ARHGEF3: variants seen among roughly 807,000 people sequenced by gnomAD.
ARHGEF3 encodes Rho guanine nucleotide exchange factor 3, also known as 59.8 kDA protein.
In ARHGEF3, 28 loss-of-function variants were observed where a neutral mutation model predicts 63.2. The ratio of observed to expected loss-of-function variants is 0.44; its 90% confidence interval spans 0.33 to 0.61. ARHGEF3 has a LOEUF of 0.61. Ranked by LOEUF, ARHGEF3 falls within the 20% of genes least tolerant of loss-of-function variation. ARHGEF3 has a pLI of 0.03. For missense variants in ARHGEF3, 533 were observed against 659.3 expected, an observed-to-expected ratio of 0.81 and a Z score of 2.10; for synonymous variants, 266 against 254.2, an observed-to-expected ratio of 1.05 and a Z score of -0.44.
chr3:56,916,086 G>A (rs558307524), intron 3 of ARHGEF3, among the ~76,000 whole-genome samples: 2 of 152,124 alleles, frequency 1.3e-5, no homozygotes, highest in Non-Finnish European at 2.9e-5. Flanking sequence ...AGCCATCTGC[G>A]GTCTTAAACA....
Position 56,981,836 on chromosome 3 carries a change from G to A in ARHGEF3, c.63-22947C>T, listed in dbSNP as rs537408891. On this transcript the variant is annotated intron_variant, in intron 2 of 12. Coordinates refer to the ARHGEF3 transcript ENST00000338458. Reference sequence around the variant, plus strand: ...AGTGTTGTCAGAGTGGACATCTGCTGTTCCTCACTGCCCAGCATTTAGTCC... The same window carrying A: ...AGTGTTGTCAGAGTGGACATCTGCTATTCCTCACTGCCCAGCATTTAGTCC... Among the ~76,000 whole-genome samples, 17 of 152,266 alleles carry A rather than the reference G, an allele frequency of 1.1e-4. No homozygotes were observed. In the South Asian group the frequency reaches 2.5e-3, roughly 22 times the overall value.
At chr3:57,052,875 A>G (rs1384868442) in intron 1 of ARHGEF3, among the ~76,000 whole-genome samples, 1 of 152,076 alleles carries the variant, frequency 6.6e-6, no homozygotes, top group Non-Finnish European at 1.5e-5. Flanking sequence ...CCAGGGCACC[A>G]TGGCCCATCC....
chr3:56,774,134 C>T (rs528419036), intron 1 of ARHGEF3, among the ~76,000 whole-genome samples: 1 of 152,222 alleles, frequency 6.6e-6, no homozygotes, highest in East Asian at 1.9e-4. Flanking sequence ...AACCAGTCTC[C>T]CCACCCCTTC....
intron 4 of ARHGEF3, among the ~76,000 whole-genome samples, chr3:56,837,419 G>A (rs1050296615): frequency 4.6e-5 from 7 of 152,160 alleles, no homozygotes; most frequent in African/African-American, 7.2e-5. Context: ...CTGCTCAATG[G>A]AATTAGTCTT....
At position 56,789,616 on chromosome 3, in the gene ARHGEF3, A is replaced by G. The variant is rs182898599; in HGVS notation, c.96+12087T>C. Reference sequence around the variant, plus strand: ...ACTTATTGTAGAATTCTAATCCTAGAAAGCCCCTCAGAACATGCCTTGTTC... The same window carrying G: ...ACTTATTGTAGAATTCTAATCCTAGGAAGCCCCTCAGAACATGCCTTGTTC... On this transcript the variant is annotated intron_variant, in intron 1 of 9. Coordinates refer to ENST00000296315, the MANE Select transcript of ARHGEF3 (RefSeq NM_019555.3). 5.9e-5 allele frequency among the ~76,000 whole-genome samples: 9 copies of G among 152,318 alleles called. No individual in the cohort carries two copies. In the East Asian group the frequency reaches 1.5e-3, roughly 26 times the overall value.
At chr3:56,850,406 G>A (rs763270933) in intron 4 of ARHGEF3, among the ~76,000 whole-genome samples, 2 of 152,224 alleles carry the variant, frequency 1.3e-5, no homozygotes, top group Non-Finnish European at 2.9e-5. Context: ...GCACATGCCT[G>A]TAGTCCCAGC....
chr3:57,034,988 C>T, intron 2 of ARHGEF3: 1 of 1,011,952 alleles, frequency 9.9e-7, no homozygotes, highest in Non-Finnish European at 1.4e-6. Flanking sequence ...ATGGCCTCTA[C>T]TGACTTATGT....
At chr3:56,764,243 A>C (rs2035577940) in intron 2 of ARHGEF3, among the ~76,000 whole-genome samples, 1 of 152,178 alleles carries the variant, frequency 6.6e-6, no homozygotes, top group Non-Finnish European at 1.5e-5. Flanking sequence ...CAAGTCCAAA[A>C]TTAGGAAGGC....
chr3:56,947,309 T>C (rs1309163466), intron 3 of ARHGEF3, among the ~76,000 whole-genome samples: 4 of 152,078 alleles, frequency 2.6e-5, no homozygotes, highest in African/African-American at 9.7e-5. Context: ...GGCTAAATGC[T>C]CCAATTAAAA....
rs544118317 is a variant in ARHGEF3 at position 56,891,845 on chromosome 3, A to G, written c.130-9491T>C. Among the ~76,000 whole-genome samples the G allele has an allele frequency of 5.3e-5, 8 of 152,286 alleles. No individual in the cohort carries two copies. The South Asian group carries it at 8.3e-4, about 16-fold the overall frequency. On this transcript the variant is annotated intron_variant, in intron 3 of 12. Coordinates refer to the ARHGEF3 transcript ENST00000338458. ...GCAAGTAAGTACAGGCACCGGGGGG[A>G]AAATCATGGGGAAAATACTTAAAAT...
intron 2 of ARHGEF3, among the ~76,000 whole-genome samples, chr3:56,989,639 C>G (rs1292580689): frequency 1.3e-5 from 2 of 152,186 alleles, no homozygotes; most frequent in East Asian, 3.8e-4. Flanking sequence ...AAGCCCAGGA[C>G]AGCACTCATC....
intron 2 of ARHGEF3, among the ~76,000 whole-genome samples, chr3:56,763,381 T>C (rs1171395665): frequency 2.0e-5 from 3 of 152,168 alleles, no homozygotes; most frequent in Non-Finnish European, 4.4e-5. Context: ...CTGAACTACC[T>C]GGGCCAAATG....
intron 7 of ARHGEF3, among the ~76,000 whole-genome samples, chr3:56,742,939 A>G (rs2034137751): frequency 6.6e-6 from 1 of 152,226 alleles, no homozygotes; most frequent in African/African-American, 2.4e-5. Flanking sequence ...ACAGAACAGT[A>G]TTCTTTCATG....
chr3:56,785,033 C>T (rs1559937340), intron 1 of ARHGEF3, among the ~76,000 whole-genome samples: 1 of 152,080 alleles, frequency 6.6e-6, no homozygotes, highest in Non-Finnish European at 1.5e-5. Flanking sequence ...CTGGGAGAGG[C>T]ATGGTCTCTC....
intron 1 of ARHGEF3, among the ~76,000 whole-genome samples, chr3:56,794,682 T>C (rs2037259491): frequency 6.6e-6 from 1 of 152,114 alleles, no homozygotes; most frequent in Non-Finnish European, 1.5e-5. Flanking sequence ...GTCCATGATA[T>C]AAAATGGCAT....
intron 1 of ARHGEF3, among the ~76,000 whole-genome samples, chr3:56,799,596 TA>T (rs2037540000): frequency 6.6e-6 from 1 of 152,252 alleles, no homozygotes; most frequent in African/African-American, 2.4e-5. Context: ...AAGCGAATGC[TA>T]TTTTTTAATT....
rs199994465 is a variant in ARHGEF3, at chr3:56,996,887, A to ATTT, written c.63-37999_63-37998insAAA. ...TTAAAACATTATTATTATTATTATT[A>ATTT]TTATTTTTTTTTTTTTTTGCAATTT... On this transcript the variant is annotated intron_variant, in intron 2 of 12. Coordinates refer to the ARHGEF3 transcript ENST00000338458. Among the ~76,000 whole-genome samples the ATTT allele has an allele frequency of 8.6e-3, 882 of 102,330 alleles. 5 individuals carry two copies. Among genetic ancestry groups the ATTT allele is most frequent in the South Asian group, 0.018 (56 of 3,130 alleles). The allele number at this position is 102,330 out of a possible 152,430, so 67.1% of individuals were successfully genotyped here.
intron 2 of ARHGEF3, among the ~76,000 whole-genome samples, chr3:56,998,046 T>C (rs950601378): frequency 3.3e-5 from 5 of 152,196 alleles, no homozygotes; most frequent in African/African-American, 9.6e-5. Context: ...TAATGTACAG[T>C]TGGGTTTTTA....
chr3:57,066,518 C>T (rs1480392572), intron 1 of ARHGEF3, among the ~76,000 whole-genome samples: 1 of 152,242 alleles, frequency 6.6e-6, no homozygotes, highest in Non-Finnish European at 1.5e-5. Flanking sequence ...CCGCCTCGGC[C>T]TCCCAAAGTG....
Sources: allele counts gnomAD v4.1 joint callset (sites outside exome capture counted in the v4.1 genomes callset), GRCh38; gene constraint gnomAD v4.1.1; transcripts MANE v1.5; gene names NCBI Gene and HGNC (gene_info 2026-07-23, HGNC 2026-07-21).